The following PARP14 variants were observed in gnomAD, a reference collection of about 807,000 sequenced individuals.
PARP14 encodes the protein protein mono-ADP-ribosyltransferase PARP14.
Under a neutral mutation model 154.2 loss-of-function variants are expected in PARP14, and 59 were observed. The ratio of observed to expected loss-of-function variants is 0.38; its 90% CI spans 0.31 to 0.48. PARP14 has a LOEUF of 0.48. Ranked by LOEUF, PARP14 falls within the 20% of genes least tolerant of loss-of-function variation. PARP14 has a pLI of 0.98. For missense variants in PARP14, 1,734 were observed against 2,131.6 expected, an observed-to-expected ratio of 0.81 and a Z score of 3.67; for synonymous variants, 720 against 780.5, an observed-to-expected ratio of 0.92 and a Z score of 1.29.
intron 1 of PARP14, among the ~76,000 whole-genome samples, chr3:122,684,409 C>T (rs1432538473): frequency 3.3e-5 from 5 of 152,166 alleles, no homozygotes; most frequent in Non-Finnish European, 1.5e-5. Flanking sequence ...CTCACATCTG[C>T]GTAGTTCTTG....
intron 2 of PARP14, 90 bp downstream of exon 2, chr3:122,685,408 A>C: frequency 4.8e-6 from 6 of 1,248,296 alleles, no homozygotes; most frequent in Non-Finnish European, 1.1e-6. Flanking sequence ...TAGTGGAAAG[A>C]AAAGCATGAA....
chr3:122,708,391 A>G (rs1939227163), intron 9 of PARP14, 123 bp downstream of exon 9: 1 of 631,462 alleles, frequency 1.6e-6, no homozygotes, highest in African/African-American at 1.8e-5. Flanking sequence ...AATGATACTA[A>G]GTTATGTTTC....
intron 9 of PARP14, among the ~76,000 whole-genome samples, chr3:122,711,540 GT>G (rs1676412276): frequency 6.6e-6 from 1 of 152,014 alleles, no homozygotes; most frequent in African/African-American, 2.4e-5. Context: ...ATATTGGTCT[GT>G]AGTTTTTTTT....
chr3:122,715,271 G>A (rs933603138), intron 12 of PARP14, among the ~76,000 whole-genome samples: 13 of 152,120 alleles, frequency 8.5e-5, no homozygotes, highest in African/African-American at 2.7e-4. Flanking sequence ...GTTCCAGTGC[G>A]AGAATAGTCA....
chr3:122,722,657 T>TA (rs1933189567), intron 15 of PARP14: 1 of 151,902 alleles, frequency 6.6e-6, no homozygotes, highest in Non-Finnish European at 1.5e-5. Context: ...GAAAATAACA[T>TA]AAAAAATGGG....
chr3:122,687,855 T>C (rs72964303), intron 3 of PARP14, among the ~76,000 whole-genome samples: 9,118 of 152,294 alleles, frequency 0.06, 318 homozygotes, highest in Middle Eastern at 0.088. Context: ...TTAAGGAAAA[T>C]GAACAATGTA....
At chr3:122,712,413 T>C (rs111751990) in intron 9 of PARP14, among the ~76,000 whole-genome samples, 73 of 152,212 alleles carry the variant, frequency 4.8e-4, no homozygotes, top group African/African-American at 1.6e-3. Flanking sequence ...CAGCTAAGTT[T>C]TGTATTTTTC....
chr3:122,724,710 C>A (rs1281772357), intron 15 of PARP14, among the ~76,000 whole-genome samples: 3 of 149,098 alleles, frequency 2.0e-5, no homozygotes, highest in Non-Finnish European at 4.4e-5. Context: ...GGGGATGTGG[C>A]AGGGTCATAG....
intron 3 of PARP14, among the ~76,000 whole-genome samples, chr3:122,688,048 G>A (rs1320682026): frequency 6.6e-6 from 1 of 152,020 alleles, no homozygotes; most frequent in African/African-American, 2.4e-5. Context: ...TAGTATGCAT[G>A]GCTTTCTTAG....
intron 1 of PARP14, among the ~76,000 whole-genome samples, chr3:122,682,941 G>C (rs1938259467): frequency 6.6e-6 from 1 of 152,162 alleles, no homozygotes; most frequent in African/African-American, 2.4e-5. Flanking sequence ...TATAGTCCCA[G>C]CTACTCAGGA....
chr3:122,683,333 A>G, intron 1 of PARP14: 1 of 973,532 alleles, frequency 1.0e-6, no homozygotes, highest in Non-Finnish European at 1.2e-6. Flanking sequence ...ACCTGATTTG[A>G]TTCATATAAA....
chr3:122,709,900 T>TTG (rs1553747539), intron 9 of PARP14, among the ~76,000 whole-genome samples: 27 of 150,796 alleles, frequency 1.8e-4, no homozygotes, highest in South Asian at 4.2e-4. Context: ...TTGTTTTTTT[T>TTG]TTTGTTTGTT....
intron 3 of PARP14, among the ~76,000 whole-genome samples, chr3:122,687,505 G>C (rs1938410114): frequency 6.6e-6 from 1 of 152,194 alleles, no homozygotes; most frequent in Non-Finnish European, 1.5e-5. Flanking sequence ...CTGAGCACTG[G>C]GTGTGAGGGT....
At chr3:122,682,011 G>C (rs1187993490) in intron 1 of PARP14, among the ~76,000 whole-genome samples, 1 of 152,216 alleles carries the variant, frequency 6.6e-6, no homozygotes, top group African/African-American at 2.4e-5. Context: ...GGAGGCTGAG[G>C]CTGAGGCCAT....
chr3:122,715,784 G>A (rs1185649233), intron 12 of PARP14, among the ~76,000 whole-genome samples: 4 of 152,096 alleles, frequency 2.6e-5, no homozygotes, highest in African/African-American at 9.7e-5. Flanking sequence ...ACCTTCAGTT[G>A]ATTTGGGCCA....
At chr3:122,693,755 C>T (rs1938611142) in intron 4 of PARP14, among the ~76,000 whole-genome samples, 1 of 151,102 alleles carries the variant, frequency 6.6e-6, no homozygotes, top group African/African-American at 2.4e-5. Context: ...GTGGAAGGAT[C>T]ACTTGAGCTT....
At chr3:122,692,678 G>T (rs1355290289) in intron 4 of PARP14, 135 bp downstream of exon 4, 6 of 684,562 alleles carry the variant, frequency 8.8e-6, no homozygotes, top group East Asian at 5.8e-5. Context: ...AGTTAATATA[G>T]TTTTTTTTAT....
At chr3:122,713,234 T>G (rs1939379216) in intron 9 of PARP14, among the ~76,000 whole-genome samples, 190 bp from the exon 10 acceptor site, 1 of 152,178 alleles carries the variant, frequency 6.6e-6, no homozygotes, top group South Asian at 2.1e-4. Context: ...TTGATATGGA[T>G]TCTATGTTCT....
rs1939068736 is a variant in PARP14 at position 122,703,995 on chromosome 3, A to G, written c.3318+17A>G. The stretch of plus-strand genomic sequence containing the variant: ...TCACTCAAGGTTGGGCCTGGTTTTG[A>G]ATTCTCCATGAAGTTGGGTAGCCCT... On this transcript the variant is annotated intron_variant, in intron 7 of 16. Transcript: ENST00000474629. 1 of 1,577,248 alleles carries G rather than the reference A, an allele frequency of 6.3e-7. No homozygotes were observed. The highest frequency in any genetic ancestry group is 1.3e-5 in the African/African-American group (1 of 74,268).
Sources: allele counts gnomAD v4.1 joint callset (sites outside exome capture counted in the v4.1 genomes callset), GRCh38; gene constraint gnomAD v4.1.1; transcripts MANE v1.5; gene names NCBI Gene and HGNC (gene_info 2026-07-23, HGNC 2026-07-21).